The following TMEM144 variants were observed in gnomAD, a reference collection of about 807,000 sequenced individuals.
The protein encoded by TMEM144 is transmembrane protein 144.
In TMEM144, 39 loss-of-function variants were observed where a neutral mutation model predicts 43.6. The ratio of observed to expected loss-of-function variants is 0.90; its 90% CI spans 0.69 to 1.17. The LOEUF (loss-of-function observed/expected upper bound fraction) is 1.17, where lower values mean the gene tolerates loss of function less well. TMEM144 is among the 50% of genes most tolerant of loss of function. The pLI is 0.00. For synonymous variants in TMEM144, 154 were observed against 133.6 expected (o/e 1.15, Z -1.06); for missense variants, 417 against 411.9 (o/e 1.01, Z -0.11).
At chr4:158,230,759 T>C (rs1159178462) in intron 6 of TMEM144, among the ~76,000 whole-genome samples, 2 of 152,052 alleles carry the variant, frequency 1.3e-5, no homozygotes, top group Non-Finnish European at 2.9e-5. Context: ...ATATAAGATG[T>C]GGTTTCTACT....
At chr4:158,211,343 A>C (rs904634022) in intron 1 of TMEM144, 110 bp from the exon 2 acceptor site, 11 of 152,200 alleles carry the variant, frequency 7.2e-5, no homozygotes, top group Admixed American at 5.9e-4. Flanking sequence ...AAGGTTAGAC[A>C]TTCTCTTCTA....
chr4:158,221,059 T>C (rs1197094428), intron 6 of TMEM144, among the ~76,000 whole-genome samples: 1 of 152,198 alleles, frequency 6.6e-6, no homozygotes, highest in Non-Finnish European at 1.5e-5. Flanking sequence ...GCTTTTCTTT[T>C]TAAAATTAAA....
chr4:158,221,783 C>T (rs1202677191), intron 6 of TMEM144, among the ~76,000 whole-genome samples: 1 of 152,128 alleles, frequency 6.6e-6, no homozygotes, highest in African/African-American at 2.4e-5. Context: ...TTATTTCTAA[C>T]TATGGACCAA....
At chr4:158,215,835 A>G (rs560056239) in intron 4 of TMEM144, among the ~76,000 whole-genome samples, 1 of 152,322 alleles carries the variant, frequency 6.6e-6, no homozygotes, top group South Asian at 2.1e-4. Flanking sequence ...GGCTTGGCCA[A>G]TCAAGAAATG....
chr4:158,236,326 G>A lies in TMEM144; in HGVS notation c.563+821G>A, dbSNP rs1225955954. On this transcript the variant is annotated intron_variant, in intron 8 of 12. Transcript: ENST00000296529. Reference sequence around the variant, plus strand: ...TTTGGAAGAAATAAATATGTTGCTGGTTTTGCGTCAGAATAAAACCAACCT... The same window carrying A: ...TTTGGAAGAAATAAATATGTTGCTGATTTTGCGTCAGAATAAAACCAACCT... Among the ~76,000 whole-genome samples the A allele has an allele frequency of 2.6e-5, 4 of 152,064 alleles. No individual in the cohort carries two copies. In the East Asian group the frequency reaches 7.7e-4, roughly 29 times the overall value.
At chr4:158,253,423 T>C (rs1736310932) in intron 12 of TMEM144, 21 bp from the exon 13 acceptor site, 2 of 1,586,488 alleles carry the variant, frequency 1.3e-6, no homozygotes, top group Non-Finnish European at 1.7e-6. Context: ...TTCATCACTG[T>C]TATTCTTTTT....
rs1169107874 is a variant in TMEM144 at position 158,255,374 on chromosome 4, T to C, written c.*1847T>C. On this transcript the variant is annotated 3_prime_UTR_variant, in exon 13 of 13. Coordinates refer to ENST00000296529, the MANE Select transcript of TMEM144 (RefSeq NM_018342.5). ...TGGGATTTCCAATTTATATGCAAAA[T>C]TTTAAATGTGAAGTAAAGCAGTTTC... 6.6e-6 allele frequency: 1 copy of C among 150,996 alleles called. No homozygotes were observed. Among genetic ancestry groups the C allele is most frequent in the Non-Finnish European group, 1.5e-5 (1 of 67,772 alleles). The allele number at this position is 150,996 out of a possible 1,614,324, so 9.4% of individuals were successfully genotyped here. A position where few individuals can be genotyped will look rare whatever the true frequency, so the allele number is the denominator to read the frequency against.
Position 158,210,906 on chromosome 4 carries a change from A to G in TMEM144, c.-183+320A>G, listed in dbSNP as rs549304760. ...GGAGAAGTATTTACTAATAAATGAA[A>G]CAAAAGTAATAAAATAAAAATGAAT... On this transcript the variant is annotated intron_variant, in intron 1 of 12. Transcript: ENST00000296529. 2.0e-5 allele frequency: 3 copies of G among 152,258 alleles called. No homozygotes were observed. In the East Asian group the frequency reaches 5.8e-4, roughly 29 times the overall value. The allele number at this position is 152,258 out of a possible 1,614,324, so 9.4% of individuals were successfully genotyped here.
chr4:158,223,482 G>A lies in TMEM144; in HGVS notation c.413+4092G>A, dbSNP rs181708933. Among the ~76,000 whole-genome samples, 65 of 152,058 alleles carry A rather than the reference G, an allele frequency of 4.3e-4. No homozygotes were observed. The Middle Eastern group carries it at 0.02, about 48-fold the overall frequency. ...AAGTTCCAGGATACATGTGCAGAAC[G>A]TGCAGGATTGTTACATAGGTACATG... is the stretch of plus-strand genomic sequence containing the variant. On this transcript the variant is annotated intron_variant, in intron 6 of 12. Coordinates refer to ENST00000296529, the MANE Select transcript of TMEM144 (RefSeq NM_018342.5).
rs1156548977 is a variant in TMEM144, at chr4:158,212,652, C to T, written c.-16C>T. The T allele has an allele frequency of 6.3e-7, 1 of 1,582,798 alleles. No homozygotes were observed. The highest frequency in any genetic ancestry group is 2.2e-5 in the East Asian group (1 of 44,604). ...CAAGTCTAAAGTGAACCAGCTAACT[C>T]ATTAAGACTGGAATCATGAGCAACA... On this transcript the variant is annotated 5_prime_UTR_variant, in exon 3 of 13. Transcript: ENST00000296529.
At chr4:158,210,841 A>G (rs2111094044) in intron 1 of TMEM144, 1 of 152,364 alleles carries the variant, frequency 6.6e-6, no homozygotes, top group East Asian at 1.9e-4. Flanking sequence ...AATTTTTTCA[A>G]AGTCTGCGTA....
intron 11 of TMEM144, 43 bp downstream of exon 11, chr4:158,241,649 G>A (rs1238229114): frequency 1.9e-6 from 3 of 1,561,398 alleles, no homozygotes; most frequent in Admixed American, 1.7e-5. Flanking sequence ...TTTTATAAAT[G>A]TAAACCCAAT....
chr4:158,230,194 A>G (rs1251045773), intron 6 of TMEM144, among the ~76,000 whole-genome samples: 1 of 152,182 alleles, frequency 6.6e-6, no homozygotes, highest in Non-Finnish European at 1.5e-5. Context: ...GCTGGGTAGC[A>G]TGCTCACTCA....
chr4:158,235,722 C>T lies in TMEM144; in HGVS notation c.563+217C>T, dbSNP rs1040243703. 7 of 415,472 alleles carry T rather than the reference C, an allele frequency of 1.7e-5. No individual in the cohort carries two copies. The East Asian group carries it at 2.5e-4, about 15-fold the overall frequency. The allele number at this position is 415,472 out of a possible 1,614,324, so 25.7% of individuals were successfully genotyped here. On this transcript the variant is annotated intron_variant, in intron 8 of 12. Transcript: ENST00000296529. ...GCTTTGAGTAATTACTAAATCATTG[C>T]ATTTATCTCCAAATGATAAGTAGAT...
At chr4:158,217,283 T>C (rs757977610) in intron 4 of TMEM144, 38 bp from the exon 5 acceptor site, 10 of 1,361,394 alleles carry the variant, frequency 7.3e-6, no homozygotes, top group Admixed American at 3.8e-5. Flanking sequence ...ATTTTCTATA[T>C]GGAAATAACA....
chr4:158,210,934 A>C (rs889027757), intron 1 of TMEM144: 2 of 152,258 alleles, frequency 1.3e-5, no homozygotes, highest in African/African-American at 4.8e-5. Context: ...AAATGAATTA[A>C]TATAGTTTGA....
In TMEM144 at chr4:158,218,108, G is replaced by T. The variant is rs147869176; in HGVS notation, c.332+688G>T. On this transcript the variant is annotated intron_variant, in intron 5 of 12. Transcript: ENST00000296529. Reference sequence around the variant, plus strand: ...AGCTCTAGCGTTGTGTTGTCCAATAGTGTAGCCAGAAGCCACAGGAGGCCA... The same window carrying T: ...AGCTCTAGCGTTGTGTTGTCCAATATTGTAGCCAGAAGCCACAGGAGGCCA... 1.5e-3 allele frequency among the ~76,000 whole-genome samples: 226 copies of T among 152,230 alleles called. 1 individual carries two copies. Among genetic ancestry groups the T allele is most frequent in the African/African-American group, 4.9e-3 (203 of 41,542 alleles).
chr4:158,244,157 C>G (rs1429725988), intron 11 of TMEM144, 139 bp from the exon 12 acceptor site: 6 of 430,596 alleles, frequency 1.4e-5, no homozygotes, highest in Non-Finnish European at 2.4e-5. Flanking sequence ...TAAAGTTTAG[C>G]TTAGTGTGGA....
In TMEM144 at chr4:158,240,327, T is replaced by C. The variant is rs539715539; in HGVS notation, c.711T>C (p.Ser237=). 6.2e-7 allele frequency: 1 copy of C among 1,613,804 alleles called. No homozygotes were observed. Residue 237 remains serine (S), a synonymous_variant, in exon 10 of 13, where the codon AGT becomes AGC. Transcript: ENST00000296529. ...YDLDYVFAHF[S]GIFLTSTVYF... ...TAGACTATGTGTTTGCGCACTTCAG[T>C]GGCATCTTTCTTACAAGTACTGTCT...
Sources: gnomAD v4.1 joint callset for allele counts (sites outside exome capture counted in the v4.1 genomes callset) on GRCh38, gnomAD v4.1.1 for gene constraint, MANE v1.5 for transcripts, NCBI Gene and HGNC (gene_info 2026-07-23, HGNC 2026-07-21) for gene names.